The following MYB variants were observed in gnomAD, a reference collection of about 807,000 sequenced individuals.
The protein encoded by MYB is transcriptional activator Myb.
Under a neutral mutation model 92.9 loss-of-function variants are expected in MYB, and 28 were observed. The observed-to-expected ratio is 0.30, with a 90% CI of 0.22 to 0.41. The LOEUF is 0.41. Ranked by LOEUF, MYB falls within the 10% of genes least tolerant of loss-of-function variation. The pLI is 1.00. For missense variants in MYB, 679 were observed against 929.3 expected, an observed-to-expected ratio of 0.73 and a Z score of 3.50; for synonymous variants, 295 against 329.1, an observed-to-expected ratio of 0.90 and a Z score of 1.12.
At chr6:135,203,794 G>T (rs1042819545) in intron 15 of MYB, 131 of 1,298,568 alleles carry the variant, frequency 1.0e-4, no homozygotes, top group Non-Finnish European at 1.3e-4. Flanking sequence ...CAATGTATTT[G>T]ACTGTCAGAA....
chr6:135,181,563 A>G lies in MYB; in HGVS notation c.23+27A>G. On this transcript the variant is annotated intron_variant, in intron 1 of 15. Transcript: ENST00000341911. This position sits in a 1 kb window ranked among gnomAD's most constrained non-coding sequence, Gnocchi z 5.3. ...TAACGGGGAGCCGGGCGGGCGGCCG[A>G]GGGCGGGGGCGCGCGGGGGCGCGCG... 1 of 1,156,120 alleles carries G rather than the reference A, an allele frequency of 8.6e-7. No individual in the cohort carries two copies. Among genetic ancestry groups the G allele is most frequent in the Non-Finnish European group, 1.1e-6 (1 of 938,928 alleles). The allele number at this position is 1,156,120 out of a possible 1,614,324, so 71.6% of individuals were successfully genotyped here. A position where few individuals can be genotyped will look rare whatever the true frequency, so the allele number is the denominator to read the frequency against.
At position 135,181,433 on chromosome 6, in the gene MYB, G is replaced by A; in HGVS notation, c.-81G>A. ...CGCCGCTGCGCAGCCGGGGAGGGAC[G>A]CAGGCAGGCGGCGGGCAGCGGGAGG... On this transcript the variant is annotated 5_prime_UTR_variant, in exon 1 of 16. Coordinates refer to ENST00000341911, the MANE Select transcript of MYB (RefSeq NM_001130173.2). The surrounding 1 kb of genome is among the most constrained non-coding windows in gnomAD (Gnocchi z 5.3). The A allele has an allele frequency of 1.0e-6, 1 of 996,206 alleles. No individual in the cohort carries two copies. The allele number at this position is 996,206 out of a possible 1,614,324, so 61.7% of individuals were successfully genotyped here.
chr6:135,218,411 A>C lies in MYB; in HGVS notation c.*431A>C, dbSNP rs945686194. 9.1e-6 allele frequency: 2 copies of C among 219,028 alleles called. No individual in the cohort carries two copies. The highest frequency in any genetic ancestry group is 2.3e-5 in the African/African-American group (1 of 43,112). 13.6% of individuals were successfully genotyped at this position (219,028 alleles called of 1,614,324 possible). A position where few individuals can be genotyped will look rare whatever the true frequency, so the allele number is the denominator to read the frequency against. The stretch of plus-strand genomic sequence containing the variant: ...GCATATATTTTTAAAAATCAGTAAA[A>C]GCATTACTCTAAGTGTAGACTTAAT... On this transcript the variant is annotated 3_prime_UTR_variant, in exon 16 of 16. Transcript: ENST00000341911.
At chr6:135,207,730 C>T (rs931305769) in intron 15 of MYB, among the ~76,000 whole-genome samples, 2 of 143,326 alleles carry the variant, frequency 1.4e-5, no homozygotes, top group African/African-American at 5.3e-5. Flanking sequence ...CCATATTTAC[C>T]TCATCTCTTT....
At chr6:135,194,567 A>G in intron 8 of MYB, 107 bp downstream of exon 8, 1 of 744,176 alleles carries the variant, frequency 1.3e-6, no homozygotes, top group Non-Finnish European at 2.2e-6. Context: ...CCATATATCC[A>G]TTCAGAATGT....
chr6:135,218,117 A>G lies in MYB; in HGVS notation c.*137A>G, dbSNP rs552220856. On this transcript the variant is annotated 3_prime_UTR_variant, in exon 16 of 16. Transcript: ENST00000341911. ...GGTACAACAGTTGAGAGCAGCACCAAGTGCATTTAGTTGAATGAAGTCTTC... is the reference window on the plus strand; with the variant it reads ...GGTACAACAGTTGAGAGCAGCACCAGGTGCATTTAGTTGAATGAAGTCTTC... 1 of 635,546 alleles carries G rather than the reference A, an allele frequency of 1.6e-6. No homozygotes were observed. Among genetic ancestry groups the G allele is most frequent in the African/African-American group, 1.9e-5 (1 of 53,074 alleles). The allele number at this position is 635,546 out of a possible 1,614,324, so 39.4% of individuals were successfully genotyped here.
intron 6 of MYB, among the ~76,000 whole-genome samples, chr6:135,193,265 T>A (rs1212555481): frequency 2.0e-5 from 3 of 152,152 alleles, no homozygotes; most frequent in Admixed American, 2.0e-4. Context: ...ATCTTAAGAA[T>A]AACAATATTA....
At chr6:135,207,385 T>C (rs1583389114) in intron 15 of MYB, among the ~76,000 whole-genome samples, 2 of 152,354 alleles carry the variant, frequency 1.3e-5, no homozygotes, top group South Asian at 4.1e-4. Flanking sequence ...CTAAACTGTC[T>C]AAATAACTTA....
At chr6:135,202,244 G>A (rs930352704) in intron 14 of MYB, among the ~76,000 whole-genome samples, 1 of 152,208 alleles carries the variant, frequency 6.6e-6, no homozygotes, top group Non-Finnish European at 1.5e-5. Flanking sequence ...AGGAAAATCA[G>A]AGCTAATAAC....
intron 15 of MYB, among the ~76,000 whole-genome samples, chr6:135,205,016 G>A (rs538130974): frequency 5.9e-5 from 9 of 152,182 alleles, no homozygotes; most frequent in Admixed American, 2.6e-4. Flanking sequence ...GCAGTGAGCC[G>A]AGATCATGAC....
intron 15 of MYB, among the ~76,000 whole-genome samples, chr6:135,217,086 A>T (rs946688847): frequency 5.9e-5 from 9 of 152,206 alleles, no homozygotes; most frequent in African/African-American, 2.2e-4. Context: ...ATCTTTAAAA[A>T]TTAAACTATA....
At position 135,194,699 on chromosome 6, in the gene MYB, T is replaced by C. The variant is rs1462192816; in HGVS notation, c.948+239T>C. ...CAATATCCACTTATGATTGTTATCATCAATTTTTTTCTTCAGAAGGACTAT... is the reference window on the plus strand; with the variant it reads ...CAATATCCACTTATGATTGTTATCACCAATTTTTTTCTTCAGAAGGACTAT... On this transcript the variant is annotated intron_variant, in intron 8 of 15. Transcript: ENST00000341911. 33 of 563,374 alleles carry C rather than the reference T, an allele frequency of 5.9e-5. No individual in the cohort carries two copies. The Admixed American group carries it at 1.2e-3, about 20-fold the overall frequency. 34.9% of individuals were successfully genotyped at this position (563,374 alleles called of 1,614,324 possible).
chr6:135,214,139 G>T (rs1222718567), intron 15 of MYB, among the ~76,000 whole-genome samples: 2 of 151,894 alleles, frequency 1.3e-5, no homozygotes, highest in Non-Finnish European at 2.9e-5. Context: ...AAACATAGCT[G>T]GGCATGGTGA....
At chr6:135,193,714 A>G in intron 6 of MYB, 124 bp from the exon 7 acceptor site, 1 of 587,706 alleles carries the variant, frequency 1.7e-6, no homozygotes, top group Non-Finnish European at 3.0e-6. Context: ...AAATTTGTTT[A>G]GTGTATTTTA....
intron 9 of MYB, 84 bp downstream of exon 9, chr6:135,196,086 G>A: frequency 7.2e-7 from 1 of 1,395,554 alleles, no homozygotes; most frequent in Non-Finnish European, 9.9e-7. Flanking sequence ...ATTTTCTATA[G>A]CCAAGCTGTT....
chr6:135,199,099 T>C (rs539531172), intron 11 of MYB, 49 bp downstream of exon 11: 409 of 1,424,422 alleles, frequency 2.9e-4, no homozygotes, highest in South Asian at 5.5e-4. Context: ...TTACTTATAT[T>C]TAATTAATGG....
At chr6:135,205,614 A>G (rs1324266293) in intron 15 of MYB, among the ~76,000 whole-genome samples, 1 of 152,212 alleles carries the variant, frequency 6.6e-6, no homozygotes, top group Admixed American at 6.5e-5. Flanking sequence ...GCACTTTATG[A>G]ATTCTAACAT....
In MYB at chr6:135,190,133, G is replaced by C; in HGVS notation, c.313G>C (p.Glu105Gln). 6.2e-7 allele frequency: 1 copy of C among 1,614,022 alleles called. No individual in the cohort carries two copies. ...TTTGTGTGTTTATCTGAAGGTGATA[G>C]AGCTTGTACAGAAATACGGTCCGAA... Reference protein sequence around the residue: ...WTKEEDQRVIELVQKYGPKRW... With the variant: ...WTKEEDQRVIQLVQKYGPKRW... Residue 105 changes from glutamate to glutamine, a missense_variant, in exon 5 of 16, where the codon GAG becomes CAG. Transcript: ENST00000341911. The surrounding 1 kb of genome is among the most constrained non-coding windows in gnomAD (Gnocchi z 4.5).
chr6:135,195,703 T>G, intron 8 of MYB, 45 bp from the exon 9 acceptor site: 1 of 1,598,474 alleles, frequency 6.3e-7, no homozygotes, highest in Non-Finnish European at 8.6e-7. Context: ...CCTTCTCCCT[T>G]TCTTCTGTCC....
Sources: gnomAD v4.1 joint callset for allele counts (sites outside exome capture counted in the v4.1 genomes callset) on GRCh38, gnomAD v4.1.1 for gene constraint, Gnocchi (gnomAD v3.1) non-coding constraint, MANE v1.5 for transcripts, NCBI Gene and HGNC (gene_info 2026-07-23, HGNC 2026-07-21) for gene names.